GLG1: variants seen among roughly 807,000 people sequenced by gnomAD.
The protein encoded by GLG1 is golgi glycoprotein 1.
GLG1 carries 38 observed loss-of-function variants against 160.5 expected under a neutral mutation model. The ratio of observed to expected loss-of-function variants is 0.24; its 90% confidence interval spans 0.18 to 0.31. The LOEUF is 0.31. Among genes scored for constraint, GLG1 ranks in the 10% least tolerant of loss-of-function variants. GLG1 has a pLI of 1.00. For synonymous variants in GLG1, 644 were observed against 543.4 expected, an observed-to-expected ratio of 1.19 and a Z score of -2.57; for missense variants, 1,373 against 1,505.2, an observed-to-expected ratio of 0.91 and a Z score of 1.45.
At chr16:74,579,420 C>T (rs1314271445) in intron 1 of GLG1, among the ~76,000 whole-genome samples, 2 of 151,474 alleles carry the variant, frequency 1.3e-5, no homozygotes, top group Non-Finnish European at 2.9e-5. Flanking sequence ...TGTCTCAAAA[C>T]AAACAAACAA....
chr16:74,567,011 A>G (rs1567528076), intron 1 of GLG1, among the ~76,000 whole-genome samples: 4 of 152,250 alleles, frequency 2.6e-5, no homozygotes, highest in South Asian at 2.1e-4. Context: ...TTGCAAAACT[A>G]TAGGAAGCTA....
chr16:74,540,144 T>TATAA lies in GLG1; in HGVS notation c.439-7992_439-7991insTTAT, dbSNP rs1567512545. Among the ~76,000 whole-genome samples, 2 of 3,062 alleles carry TATAA rather than the reference T, an allele frequency of 6.5e-4. 1 individual carries two copies. The highest frequency in any genetic ancestry group is 1.9e-3 in the Non-Finnish European group (2 of 1,036). 2.0% of individuals were successfully genotyped at this position (3,062 alleles called of 152,430 possible). ...ATATATATTTTATATATATAATATA[T>TATAA]TATATATATATAGCAATTTAGTTAT... On this transcript the variant is annotated intron_variant, in intron 1 of 25. Transcript: ENST00000422840.
At chr16:74,560,472 C>T (rs933283579) in intron 1 of GLG1, among the ~76,000 whole-genome samples, 2 of 151,892 alleles carry the variant, frequency 1.3e-5, no homozygotes, top group Non-Finnish European at 2.9e-5. Context: ...CCCCTGCCCC[C>T]GCAGTAACTA....
chr16:74,590,800 A>C (rs1567544335), intron 1 of GLG1, among the ~76,000 whole-genome samples: 2 of 150,320 alleles, frequency 1.3e-5, no homozygotes, highest in African/African-American at 4.9e-5. Context: ...TGTCTCAAAA[A>C]AAAAAAAAAA....
chr16:74,573,929 G>A (rs957523674), intron 1 of GLG1, among the ~76,000 whole-genome samples: 1 of 151,924 alleles, frequency 6.6e-6, no homozygotes, highest in African/African-American at 2.4e-5. Context: ...AAGTAGCTGG[G>A]ATTACAGGCG....
intron 4 of GLG1, among the ~76,000 whole-genome samples, chr16:74,497,645 G>A (rs1015381929): frequency 6.6e-6 from 1 of 151,960 alleles, no homozygotes. Context: ...CACCGTGTTA[G>A]CCAGGATGGT....
chr16:74,454,682 A>C (rs1264072646), intron 25 of GLG1, among the ~76,000 whole-genome samples: 32 of 140,236 alleles, frequency 2.3e-4, no homozygotes, highest in Non-Finnish European at 3.8e-4. Flanking sequence ...AAAAAAAAAA[A>C]AAAAAAAAAA....
At chr16:74,584,016 T>A (rs750557796) in intron 1 of GLG1, among the ~76,000 whole-genome samples, 31 of 152,168 alleles carry the variant, frequency 2.0e-4, no homozygotes, top group Non-Finnish European at 4.1e-4. Context: ...TTGCTACTAG[T>A]CTCCTTTGGC....
At chr16:74,580,948 G>C (rs1230860936) in intron 1 of GLG1, among the ~76,000 whole-genome samples, 1 of 152,134 alleles carries the variant, frequency 6.6e-6, no homozygotes, top group African/African-American at 2.4e-5. Context: ...ACTCCAGCCT[G>C]GGCAACAGAG....
chr16:74,455,366 T>C (rs1410611201), intron 25 of GLG1, among the ~76,000 whole-genome samples: 1 of 152,166 alleles, frequency 6.6e-6, no homozygotes, highest in Non-Finnish European at 1.5e-5. Flanking sequence ...GCTCCAATAG[T>C]TGCCAACACA....
intron 2 of GLG1, among the ~76,000 whole-genome samples, chr16:74,527,302 T>C (rs1216263431): frequency 7.3e-6 from 1 of 136,734 alleles, no homozygotes; most frequent in African/African-American, 2.7e-5. Flanking sequence ...CAGGATGGAG[T>C]GCAATGGCGC....
At chr16:74,590,660 G>A (rs1243490014) in intron 1 of GLG1, among the ~76,000 whole-genome samples, 3 of 146,178 alleles carry the variant, frequency 2.1e-5, no homozygotes, top group African/African-American at 7.6e-5. Flanking sequence ...CGGGCGTGGT[G>A]ACACCACATG....
At chr16:74,541,373 T>C (rs1272805244) in intron 1 of GLG1, among the ~76,000 whole-genome samples, 4 of 151,692 alleles carry the variant, frequency 2.6e-5, no homozygotes, top group African/African-American at 4.8e-5. Context: ...ATGGTATTTT[T>C]CACATCTCAT....
chr16:74,584,100 G>C (rs1242358886), intron 1 of GLG1, among the ~76,000 whole-genome samples: 3 of 152,016 alleles, frequency 2.0e-5, no homozygotes, highest in Non-Finnish European at 2.9e-5. Flanking sequence ...TCAATTCATA[G>C]TGCCCCGAGT....
At position 74,602,372 on chromosome 16, in the gene GLG1, A is replaced by C. The variant is rs531856224; in HGVS notation, c.438+4285T>G. On this transcript the variant is annotated intron_variant, in intron 1 of 25. Transcript: ENST00000422840. ...TATACATTTAAATACAAAAACAAACAAAAAAAACCTTCTAGTTTTTAAAAA... is the reference window on the plus strand; with the variant it reads ...TATACATTTAAATACAAAAACAAACCAAAAAAACCTTCTAGTTTTTAAAAA... 2.6e-5 allele frequency among the ~76,000 whole-genome samples: 4 copies of C among 152,048 alleles called. No individual in the cohort carries two copies. In the East Asian group the frequency reaches 5.8e-4, roughly 22 times the overall value.
intron 25 of GLG1, among the ~76,000 whole-genome samples, chr16:74,455,595 C>T (rs569278593): frequency 1.5e-3 from 231 of 152,294 alleles, no homozygotes; most frequent in Non-Finnish European, 3.0e-3. Flanking sequence ...TGCTGTCGAC[C>T]TATGAAGACT....
rs529144996 is a variant in GLG1 at position 74,605,778 on chromosome 16, A to G, written c.438+879T>C. Among the ~76,000 whole-genome samples, 16 of 152,284 alleles carry G rather than the reference A, an allele frequency of 1.1e-4. No homozygotes were observed. In the East Asian group the frequency reaches 3.1e-3, roughly 29 times the overall value. On this transcript the variant is annotated intron_variant, in intron 1 of 25. Coordinates refer to ENST00000422840, the MANE Select transcript of GLG1 (RefSeq NM_001145667.2). ...AAAAACAGTATCAAGTGGTAGCTTC[A>G]TTCTATTTGTCCACCTTTAGGGCTA... is the stretch of plus-strand genomic sequence containing the variant.
intron 4 of GLG1, among the ~76,000 whole-genome samples, chr16:74,498,600 C>T (rs1049468960): frequency 6.7e-6 from 1 of 149,094 alleles, no homozygotes; most frequent in African/African-American, 2.5e-5. Flanking sequence ...CGTGGTGGCT[C>T]ATGCCTGTAA....
intron 1 of GLG1, among the ~76,000 whole-genome samples, chr16:74,562,289 C>CT (rs2018533726): frequency 6.6e-6 from 1 of 152,192 alleles, no homozygotes; most frequent in Non-Finnish European, 1.5e-5. Flanking sequence ...ACAACCTCAT[C>CT]TGCTTCCAGT....
Sources: gnomAD v4.1 joint callset for allele counts (sites outside exome capture counted in the v4.1 genomes callset) on GRCh38, gnomAD v4.1.1 for gene constraint, MANE v1.5 for transcripts, NCBI Gene and HGNC (gene_info 2026-07-23, HGNC 2026-07-21) for gene names.